Variants in SORCS2 observed in about 807,000 individuals in gnomAD.
The protein encoded by SORCS2 is VPS10 domain-containing receptor SorCS2.
Under a neutral mutation model 141.6 loss-of-function variants are expected in SORCS2, and 100 were observed. The ratio of observed to expected loss-of-function variants is 0.71; its 90% CI spans 0.60 to 0.83. The LOEUF (loss-of-function observed/expected upper bound fraction) is 0.83, where lower values mean the gene tolerates loss of function less well. Among genes scored for constraint, SORCS2 ranks in the 40% least tolerant of loss-of-function variants. SORCS2 has a pLI of 0.00. For synonymous variants in SORCS2, 789 were observed against 676.9 expected (o/e 1.17, Z -2.57); for missense variants, 1,646 against 1,560.2 (o/e 1.05, Z -0.93).
intron 2 of SORCS2, chr4:7,434,464 A>T (rs1727143955): frequency 6.2e-7 from 1 of 1,611,318 alleles, no homozygotes; most frequent in Non-Finnish European, 8.5e-7. Flanking sequence ...CGGCTCACAG[A>T]GGCTGAGCGC....
At chr4:7,211,319 G>A (rs961978949) in intron 1 of SORCS2, among the ~76,000 whole-genome samples, 9 of 152,144 alleles carry the variant, frequency 5.9e-5, no homozygotes, top group Admixed American at 3.9e-4. Flanking sequence ...GAGCGTCCAC[G>A]ACGGGGGGCA....
At chr4:7,435,060 C>A in intron 2 of SORCS2, 2 of 665,558 alleles carry the variant, frequency 3.0e-6, no homozygotes, top group Non-Finnish European at 5.0e-6. Flanking sequence ...TCTTGGAGTG[C>A]CTGGAACACT....
At chr4:7,398,954 C>A (rs12512986) in intron 2 of SORCS2, among the ~76,000 whole-genome samples, 2 of 152,192 alleles carry the variant, frequency 1.3e-5, no homozygotes, top group African/African-American at 4.8e-5. Context: ...ATGTGCATTC[C>A]CACCTGGGCA....
At chr4:7,416,030 C>T (rs1725643595) in intron 2 of SORCS2, among the ~76,000 whole-genome samples, 1 of 152,090 alleles carries the variant, frequency 6.6e-6, no homozygotes, top group Non-Finnish European at 1.5e-5. Context: ...TGTGGAGGGA[C>T]CCTAAGGAGT....
chr4:7,436,599 G>A (rs190637773), intron 2 of SORCS2, among the ~76,000 whole-genome samples: 11 of 152,330 alleles, frequency 7.2e-5, no homozygotes, highest in Admixed American at 1.3e-4. Context: ...TTCTTGGCTC[G>A]GCATTGTCTT....
intron 2 of SORCS2, among the ~76,000 whole-genome samples, chr4:7,443,514 A>T (rs1727809421): frequency 6.6e-6 from 1 of 152,170 alleles, no homozygotes; most frequent in African/African-American, 2.4e-5. Flanking sequence ...TAGTCCCTAC[A>T]ACCCGAAACC....
chr4:7,223,242 C>A (rs1292727803), intron 1 of SORCS2, among the ~76,000 whole-genome samples: 1 of 152,028 alleles, frequency 6.6e-6, no homozygotes, highest in Admixed American at 6.5e-5. Flanking sequence ...GCTTTTGGTG[C>A]CTTCTCATTG....
intron 1 of SORCS2, among the ~76,000 whole-genome samples, chr4:7,344,441 G>A (rs1387586235): frequency 2.0e-5 from 3 of 152,106 alleles, no homozygotes; most frequent in Non-Finnish European, 4.4e-5. Context: ...ATGGAGGGCC[G>A]AGTCTATGTG....
chr4:7,667,046 C>T (rs1009564379), intron 7 of SORCS2, 78 bp from the exon 8 acceptor site: 3 of 1,259,214 alleles, frequency 2.4e-6, no homozygotes, highest in African/African-American at 1.5e-5. Context: ...CTGAATATAA[C>T]ATGTAGTTTT....
chr4:7,453,266 G>C (rs1421413273), intron 2 of SORCS2, among the ~76,000 whole-genome samples: 2 of 128,472 alleles, frequency 1.6e-5, no homozygotes, highest in Middle Eastern at 5.1e-3. Context: ...GTTGGGGTCA[G>C]GCACTGTGTT....
Position 7,704,805 on chromosome 4 carries a change from G to A in SORCS2, c.1868+521G>A, listed in dbSNP as rs375261242. ...GGCGTTCGACTGCACCGCTGCGGCC[G>A]CAATGGGAGACAGCCGTGCCCAGAA... On this transcript the variant is annotated intron_variant, in intron 14 of 26. Coordinates refer to ENST00000507866, the MANE Select transcript of SORCS2 (RefSeq NM_020777.3). 3.3e-5 allele frequency among the ~76,000 whole-genome samples: 5 copies of A among 152,216 alleles called. No homozygotes were observed. The East Asian group carries it at 7.7e-4, about 24-fold the overall frequency.
intron 3 of SORCS2, among the ~76,000 whole-genome samples, chr4:7,532,007 G>A (rs563420261): frequency 3.3e-5 from 5 of 152,342 alleles, no homozygotes; most frequent in South Asian, 4.1e-4. Flanking sequence ...CCCGTTCTTC[G>A]GAAGTTAGTT....
intron 2 of SORCS2, among the ~76,000 whole-genome samples, chr4:7,411,954 T>C (rs1167867361): frequency 6.6e-6 from 1 of 152,218 alleles, no homozygotes; most frequent in Non-Finnish European, 1.5e-5. Flanking sequence ...CCTCTTTGTG[T>C]CTGCTCCCAG....
At chr4:7,638,212 A>T (rs1235799035) in intron 3 of SORCS2, 116 bp from the exon 4 acceptor site, 7 of 1,288,128 alleles carry the variant, frequency 5.4e-6, no homozygotes, top group Non-Finnish European at 7.3e-6. Context: ...AGGCCTCACA[A>T]CCCCCTTTCT....
chr4:7,570,103 G>C (rs113663249), intron 3 of SORCS2, among the ~76,000 whole-genome samples: 45 of 152,320 alleles, frequency 3.0e-4, no homozygotes, highest in African/African-American at 1.1e-3. Flanking sequence ...TAATTGCTTG[G>C]TCTAAGGTGT....
chr4:7,717,771 C>T (rs1560108439), intron 17 of SORCS2, among the ~76,000 whole-genome samples: 1 of 152,224 alleles, frequency 6.6e-6, no homozygotes, highest in African/African-American at 2.4e-5. Context: ...CCAGCGCCTC[C>T]GAAGCACATC....
chr4:7,363,106 T>TCACCATCA (rs1346439888), intron 1 of SORCS2, among the ~76,000 whole-genome samples: 3 of 149,074 alleles, frequency 2.0e-5, no homozygotes, highest in African/African-American at 7.5e-5. Flanking sequence ...ACCACTACCA[T>TCACCATCA]CACCATCATA....
chr4:7,337,131 C>A (rs572460434), intron 1 of SORCS2, among the ~76,000 whole-genome samples: 104 of 152,244 alleles, frequency 6.8e-4, no homozygotes, highest in African/African-American at 2.1e-3. Flanking sequence ...TCACCGAGGG[C>A]AGATGTTTAG....
At chr4:7,366,782 C>T (rs116460114) in intron 1 of SORCS2, among the ~76,000 whole-genome samples, 3,193 of 152,198 alleles carry the variant, frequency 0.021, 115 homozygotes, top group African/African-American at 0.073. Context: ...CCCCCAACAG[C>T]TTCACAGGGC....
Sources: allele counts gnomAD v4.1 joint callset (sites outside exome capture counted in the v4.1 genomes callset), GRCh38; gene constraint gnomAD v4.1.1; transcripts MANE v1.5; gene names NCBI Gene and HGNC (gene_info 2026-07-23, HGNC 2026-07-21).